OR51E2: variants seen among roughly 807,000 people sequenced by gnomAD.
OR51E2 encodes the protein olfactory receptor family 51 subfamily E member 2.
OR51E2 carries 14 observed loss-of-function variants against 13.7 expected under a neutral mutation model. That is an observed-to-expected ratio of 1.02 (90% CI 0.68 to 1.60). OR51E2 has a LOEUF of 1.60. Ranked by LOEUF, OR51E2 falls within the 40% of genes most tolerant of loss-of-function variation. The pLI is 0.00. For synonymous variants in OR51E2, 180 were observed against 157.6 expected (o/e 1.14, Z -1.07); for missense variants, 483 against 413.8 (o/e 1.17, Z -1.45).
chr11:4,686,043 G>C (rs1847512001), intron 1 of OR51E2, among the ~76,000 whole-genome samples: 6 of 152,156 alleles, frequency 3.9e-5, no homozygotes, highest in Admixed American at 3.3e-4. Flanking sequence ...ATCTATATCT[G>C]GCAATGGAGT....
intron 1 of OR51E2, among the ~76,000 whole-genome samples, chr11:4,688,079 G>T (rs1027010480): frequency 2.6e-5 from 4 of 152,100 alleles, no homozygotes; most frequent in African/African-American, 7.2e-5. Context: ...TTTTAGGGCT[G>T]GGAGATAGCA....
rs1847433632 is a variant in OR51E2 at position 4,680,175 on chromosome 11, T to G, written c.*1574A>C. 6.6e-6 allele frequency: 1 copy of G among 152,166 alleles called. No individual in the cohort carries two copies. The highest frequency in any genetic ancestry group is 1.5e-5 in the Non-Finnish European group (1 of 68,034). The allele number at this position is 152,166 out of a possible 1,614,324, so 9.4% of individuals were successfully genotyped here. On this transcript the variant is annotated 3_prime_UTR_variant, in exon 2 of 2. Transcript: ENST00000396950. ...TCAATAGGCATAACACTCAGCAAAATTTAAAATAAAATTTTATTTTATCTT... is the reference window on the plus strand; with the variant it reads ...TCAATAGGCATAACACTCAGCAAAAGTTAAAATAAAATTTTATTTTATCTT...
intron 1 of OR51E2, chr11:4,692,184 G>C (rs1398318115): frequency 6.6e-6 from 3 of 452,002 alleles, no homozygotes; most frequent in Non-Finnish European, 1.3e-5. Context: ...AAGCAGAGAA[G>C]CTTACAGACA....
At chr11:4,689,595 C>T (rs1847553794) in intron 1 of OR51E2, among the ~76,000 whole-genome samples, 1 of 152,102 alleles carries the variant, frequency 6.6e-6, no homozygotes, top group Non-Finnish European at 1.5e-5. Flanking sequence ...GAAATATATG[C>T]TTTAAAAATT....
intron 1 of OR51E2, among the ~76,000 whole-genome samples, chr11:4,689,805 A>G (rs1448780613): frequency 1.3e-5 from 2 of 152,044 alleles, no homozygotes; most frequent in Non-Finnish European, 1.5e-5. Flanking sequence ...AGGAAAGATC[A>G]TCAGGTAGAA....
Position 4,680,781 on chromosome 11 carries a change from A to G in OR51E2, c.*968T>C, listed in dbSNP as rs1177491289. On this transcript the variant is annotated 3_prime_UTR_variant, in exon 2 of 2. Transcript: ENST00000396950. Reference sequence around the variant, plus strand: ...GCATTATTATTAAGGGCTTATATAAATTCCCAGGTAATGCATAATAACAGT... The same window carrying G: ...GCATTATTATTAAGGGCTTATATAAGTTCCCAGGTAATGCATAATAACAGT... The G allele has an allele frequency of 6.6e-6, 1 of 152,272 alleles. No individual in the cohort carries two copies. Among genetic ancestry groups the G allele is most frequent in the Non-Finnish European group, 1.5e-5 (1 of 68,034 alleles). 9.4% of individuals were successfully genotyped at this position (152,272 alleles called of 1,614,324 possible). A position where few individuals can be genotyped will look rare whatever the true frequency, so the allele number is the denominator to read the frequency against.
At chr11:4,688,777 T>C (rs926994900) in intron 1 of OR51E2, among the ~76,000 whole-genome samples, 9 of 152,118 alleles carry the variant, frequency 5.9e-5, no homozygotes, top group African/African-American at 1.9e-4. Flanking sequence ...GACATCAATA[T>C]CAGAGAGATC....
At position 4,682,132 on chromosome 11, in the gene OR51E2, T is replaced by A. The variant is rs1564885042; in HGVS notation, c.580A>T (p.Asn194Tyr). Residue 194 changes from asparagine (N) to tyrosine (Y), a missense_variant, in exon 2 of 2, where the codon AAT becomes TAT. By Grantham distance (143) the Asn-to-Tyr change is moderately radical. Coordinates refer to ENST00000396950, the MANE Select transcript of OR51E2 (RefSeq NM_030774.4). ...MKLAYADTLP[N>Y]VVYGLTAILL... Reference sequence around the variant, plus strand: ...ATGGCAGTAAGACCATATACCACATTGGGCAAAGTGTCTGCATAGGCCAAC... The same window carrying A: ...ATGGCAGTAAGACCATATACCACATAGGGCAAAGTGTCTGCATAGGCCAAC... 17 of 1,614,168 alleles carry A rather than the reference T, an allele frequency of 1.1e-5. No individual in the cohort carries two copies. Among genetic ancestry groups the A allele is most frequent in the Non-Finnish European group, 1.4e-5 (17 of 1,180,036 alleles).
chr11:4,682,165 C>T lies in OR51E2; in HGVS notation c.547G>A (p.Val183Ile). 6.2e-7 allele frequency: 1 copy of T among 1,614,236 alleles called. No individual in the cohort carries two copies. The part of the protein sequence containing the change: ...LSHSYCVHQD[V>I]MKLAYADTLP... Reference sequence around the variant, plus strand: ...GTGTCTGCATAGGCCAACTTCATTACATCCTGGTGGACACAATAGGAGTGC... The same window carrying T: ...GTGTCTGCATAGGCCAACTTCATTATATCCTGGTGGACACAATAGGAGTGC... Residue 183 changes from valine to isoleucine, a missense_variant, in exon 2 of 2, where the codon GTA becomes ATA. Coordinates refer to ENST00000396950, the MANE Select transcript of OR51E2 (RefSeq NM_030774.4).
intron 1 of OR51E2, among the ~76,000 whole-genome samples, chr11:4,692,908 G>T (rs1267651701): frequency 6.6e-6 from 1 of 151,970 alleles, no homozygotes; most frequent in Non-Finnish European, 1.5e-5. Flanking sequence ...AAAACTAGAT[G>T]AAAAACAAGA....
intron 1 of OR51E2, among the ~76,000 whole-genome samples, chr11:4,693,448 G>A (rs540826240): frequency 5.9e-4 from 90 of 152,334 alleles, no homozygotes; most frequent in African/African-American, 2.0e-3. Flanking sequence ...CAGGCTGGGC[G>A]CGGTGGCTCA....
intron 1 of OR51E2, among the ~76,000 whole-genome samples, chr11:4,687,482 T>A (rs1490222421): frequency 6.6e-6 from 1 of 152,328 alleles, no homozygotes; most frequent in Non-Finnish European, 1.5e-5. Context: ...CTTGGCACAG[T>A]ATTCTCCAAA....
intron 1 of OR51E2, among the ~76,000 whole-genome samples, chr11:4,688,662 G>A (rs1847542678): frequency 6.6e-6 from 1 of 152,162 alleles, no homozygotes; most frequent in Non-Finnish European, 1.5e-5. Context: ...AGCAAACGTG[G>A]ATGAAGGAAG....
chr11:4,695,710 C>T (rs1847646926), intron 1 of OR51E2, among the ~76,000 whole-genome samples: 1 of 152,088 alleles, frequency 6.6e-6, no homozygotes, highest in Admixed American at 6.6e-5. Flanking sequence ...CAACTTTCAG[C>T]AATGTTTACC....
intron 1 of OR51E2, among the ~76,000 whole-genome samples, chr11:4,696,465 A>T (rs1847658015): frequency 6.6e-6 from 1 of 152,182 alleles, no homozygotes; most frequent in African/African-American, 2.4e-5. Flanking sequence ...AAAGATGAGA[A>T]CCTCGGGAGG....
chr11:4,696,560 T>G, intron 1 of OR51E2, among the ~76,000 whole-genome samples: 1 of 152,162 alleles, frequency 6.6e-6, no homozygotes. Flanking sequence ...GAAAAAATCT[T>G]AAGTGTTTAT....
rs1272648698 is a variant in OR51E2, at chr11:4,682,726, A to C, written c.-15T>G. The C allele has an allele frequency of 3.7e-6, 6 of 1,608,008 alleles. No individual in the cohort carries two copies. The highest frequency in any genetic ancestry group is 4.2e-6 in the Non-Finnish European group (5 of 1,176,510). ...CAGGAACTCATAGCTGGAACTGAGG[A>C]GGGGTGACTGGAGAGGGTGAGGTCA... On this transcript the variant is annotated 5_prime_UTR_variant, in exon 2 of 2. Coordinates refer to ENST00000396950, the MANE Select transcript of OR51E2 (RefSeq NM_030774.4).
intron 1 of OR51E2, among the ~76,000 whole-genome samples, chr11:4,696,624 C>A (rs1030400136): frequency 6.6e-6 from 1 of 152,118 alleles, no homozygotes; most frequent in Non-Finnish European, 1.5e-5. Flanking sequence ...CACTAAATTT[C>A]CCCCAAGCTT....
chr11:4,696,467 C>G (rs1847658045), intron 1 of OR51E2, among the ~76,000 whole-genome samples: 2 of 152,118 alleles, frequency 1.3e-5, no homozygotes, highest in Non-Finnish European at 2.9e-5. Flanking sequence ...AGATGAGAAC[C>G]TCGGGAGGTC....
Sources: gnomAD v4.1 joint callset for allele counts (sites outside exome capture counted in the v4.1 genomes callset) on GRCh38, gnomAD v4.1.1 for gene constraint, MANE v1.5 for transcripts, NCBI Gene and HGNC (gene_info 2026-07-23, HGNC 2026-07-21) for gene names.